Variants in MAGI2 observed in about 807,000 individuals in gnomAD.
MAGI2 encodes the protein membrane associated guanylate kinase, WW and PDZ domain containing 2.
MAGI2 carries 35 observed loss-of-function variants against 133.3 expected under a neutral mutation model. The ratio of observed to expected loss-of-function variants is 0.26; its 90% CI spans 0.20 to 0.35. MAGI2 has a LOEUF of 0.35. Ranked by LOEUF, MAGI2 falls within the 10% of genes least tolerant of loss-of-function variation. The pLI is 1.00. For missense variants in MAGI2, 1,636 were observed against 1,863.4 expected (o/e 0.88, Z 2.25); for synonymous variants, 729 against 710.6 (o/e 1.03, Z -0.41).
intron 1 of MAGI2, among the ~76,000 whole-genome samples, chr7:79,017,255 G>T (rs536932363): frequency 6.6e-6 from 1 of 152,286 alleles, no homozygotes; most frequent in Admixed American, 6.5e-5. Flanking sequence ...ACCTCCAGGG[G>T]CCACAGAATA....
chr7:78,221,485 C>T (rs1788824387), intron 10 of MAGI2, among the ~76,000 whole-genome samples: 1 of 152,046 alleles, frequency 6.6e-6, no homozygotes, highest in African/African-American at 2.4e-5. Context: ...TAGCATGATG[C>T]TGTGGGAAGC....
intron 21 of MAGI2, among the ~76,000 whole-genome samples, chr7:78,063,693 T>C (rs1813519638): frequency 6.6e-6 from 1 of 152,190 alleles, no homozygotes; most frequent in Non-Finnish European, 1.5e-5. Context: ...TTTTCCACTC[T>C]GGTGAAAGCA....
At chr7:78,605,347 C>T in intron 3 of MAGI2, among the ~76,000 whole-genome samples, 1 of 152,158 alleles carries the variant, frequency 6.6e-6, no homozygotes, top group Non-Finnish European at 1.5e-5. Context: ...ATTTAGGCAA[C>T]TGGGTGGAGA....
At chr7:78,083,242 A>G (rs1563098373) in intron 20 of MAGI2, among the ~76,000 whole-genome samples, 1 of 151,880 alleles carries the variant, frequency 6.6e-6, no homozygotes, top group Non-Finnish European at 1.5e-5. Flanking sequence ...CCACAGAGCT[A>G]TCTTCAACTG....
At chr7:79,102,886 T>G (rs913459373) in intron 1 of MAGI2, among the ~76,000 whole-genome samples, 1 of 152,212 alleles carries the variant, frequency 6.6e-6, no homozygotes, top group Non-Finnish European at 1.5e-5. Context: ...CTATAATCAG[T>G]TGATTTTTAA....
At chr7:78,501,478 T>A in intron 5 of MAGI2, 99 bp downstream of exon 5, 1 of 1,072,428 alleles carries the variant, frequency 9.3e-7, no homozygotes, top group Non-Finnish European at 1.3e-6. Flanking sequence ...AATTTCATGT[T>A]TTTTTCTTTT....
intron 9 of MAGI2, among the ~76,000 whole-genome samples, chr7:78,275,075 G>A (rs551529577): frequency 8.0e-4 from 122 of 152,306 alleles, no homozygotes; most frequent in Non-Finnish European, 1.6e-3. Context: ...GCCCTGGTGG[G>A]GTAGGCACCA....
intron 6 of MAGI2, among the ~76,000 whole-genome samples, chr7:78,399,804 C>CA (rs3061269): frequency 0.28 from 19,066 of 69,184 alleles, 2,941 homozygotes; most frequent in East Asian, 0.53. Context: ...GACTTTGTAT[C>CA]AAAAAAAAAA....
intron 2 of MAGI2, among the ~76,000 whole-genome samples, chr7:78,741,006 G>GT (rs1563438358): frequency 6.6e-6 from 1 of 152,158 alleles, no homozygotes; most frequent in Admixed American, 6.5e-5. Context: ...AAAAAGTGTA[G>GT]ATTTGTGGCA....
At chr7:78,113,630 G>GA (rs1258287345) in intron 20 of MAGI2, among the ~76,000 whole-genome samples, 1 of 152,180 alleles carries the variant, frequency 6.6e-6, no homozygotes, top group Non-Finnish European at 1.5e-5. Flanking sequence ...CTATAGGTTG[G>GA]TGGGTAGGAG....
chr7:78,170,307 G>C (rs756619754), intron 14 of MAGI2: 4 of 152,164 alleles, frequency 2.6e-5, no homozygotes, highest in African/African-American at 4.8e-5. Flanking sequence ...TGCTGTAGGA[G>C]AACAGCAAGA....
At chr7:79,390,507 A>T (rs1404592228) in intron 1 of MAGI2, among the ~76,000 whole-genome samples, 1 of 152,216 alleles carries the variant, frequency 6.6e-6, no homozygotes, top group Non-Finnish European at 1.5e-5. Context: ...GACATTCACA[A>T]ATTATATCAA....
At chr7:78,823,828 T>C (rs145086558) in intron 2 of MAGI2, among the ~76,000 whole-genome samples, 17 of 152,272 alleles carry the variant, frequency 1.1e-4, no homozygotes, top group African/African-American at 3.9e-4. Flanking sequence ...TGGTGCTTTT[T>C]CCAAATATTC....
intron 1 of MAGI2, among the ~76,000 whole-genome samples, chr7:79,050,428 G>A (rs1208613760): frequency 6.6e-6 from 1 of 152,042 alleles, no homozygotes; most frequent in African/African-American, 2.4e-5. Context: ...TGTCACCAGG[G>A]CTGTATTGCA....
chr7:78,351,231 G>A (rs1333291540), intron 7 of MAGI2, among the ~76,000 whole-genome samples: 1 of 152,000 alleles, frequency 6.6e-6, no homozygotes. Context: ...TGTGGGCAGG[G>A]AATGGTGACC....
intron 1 of MAGI2, among the ~76,000 whole-genome samples, chr7:79,319,349 A>AT: frequency 6.6e-6 from 1 of 152,174 alleles, no homozygotes; most frequent in Non-Finnish European, 1.5e-5. Flanking sequence ...CTTGCTTTTC[A>AT]TGCTAATTGT....
chr7:78,069,471 G>GTGTGTT (rs1378182678), intron 21 of MAGI2, among the ~76,000 whole-genome samples: 1 of 149,146 alleles, frequency 6.7e-6, no homozygotes, highest in African/African-American at 2.4e-5. Flanking sequence ...GTGTGTGTAT[G>GTGTGTT]TGTGTTTGTG....
chr7:79,239,371 T>A (rs914913451), intron 1 of MAGI2, among the ~76,000 whole-genome samples: 1 of 152,164 alleles, frequency 6.6e-6, no homozygotes. Context: ...AGATTTTTTA[T>A]TTCCTCAAAG....
chr7:78,162,375 T>A (rs1380618570), intron 15 of MAGI2, among the ~76,000 whole-genome samples: 11 of 138,252 alleles, frequency 8.0e-5, no homozygotes, highest in Non-Finnish European at 8.0e-5. Context: ...AAAAAAAAAA[T>A]TTAGCTGGGC....
Sources: allele counts gnomAD v4.1 joint callset (sites outside exome capture counted in the v4.1 genomes callset), GRCh38; gene constraint gnomAD v4.1.1; transcripts MANE v1.5; gene names NCBI Gene and HGNC (gene_info 2026-07-23, HGNC 2026-07-21).